ANKRD31: variants seen among roughly 807,000 people sequenced by gnomAD.
ANKRD31 encodes ankyrin repeat domain-containing protein 31.
A neutral mutation model predicts 186.0 loss-of-function variants in ANKRD31; 147 were observed. That is an observed-to-expected ratio of 0.79 (90% CI 0.69 to 0.91). The LOEUF is 0.91. Among genes scored for constraint, ANKRD31 ranks in the 40% least tolerant of loss-of-function variants. The pLI, the probability that ANKRD31 is intolerant of heterozygous loss-of-function variation, is 0.00. For synonymous variants in ANKRD31, 673 were observed against 736.4 expected, an observed-to-expected ratio of 0.91 and a Z score of 1.39; for missense variants, 1,986 against 2,148.8, an observed-to-expected ratio of 0.92 and a Z score of 1.50.
At chr5:75,096,873 A>G (rs187391964) in intron 22 of ANKRD31, among the ~76,000 whole-genome samples, 118 of 129,302 alleles carry the variant, frequency 9.1e-4, no homozygotes, top group African/African-American at 3.3e-3. Flanking sequence ...AAGTGTTCTC[A>G]CTGTTCAATT....
At chr5:75,138,746 A>G (rs1750794329) in intron 16 of ANKRD31, 100 bp downstream of exon 16, 1 of 1,208,598 alleles carries the variant, frequency 8.3e-7, no homozygotes, top group African/African-American at 1.5e-5. Flanking sequence ...GTTATCACTT[A>G]CATATCAGCC....
In ANKRD31 at chr5:75,118,145, A is replaced by G. The variant is rs1287644327; in HGVS notation, c.4029T>C (p.Ala1343=). The part of the protein sequence containing the change: ...IETVNRDESD[A]IVNEKIPAVR... Reference sequence around the variant, plus strand: ...TATTGATATACATACCATTGACTATAGCATCACTCTCATCTCTATTAACAG... The same window carrying G: ...TATTGATATACATACCATTGACTATGGCATCACTCTCATCTCTATTAACAG... The change falls in exon 18 of 26, where the codon GCT becomes GCC. Residue 1343 remains alanine (A), a synonymous_variant. Transcript: ENST00000506364. The G allele has an allele frequency of 3.4e-6, 5 of 1,474,498 alleles. No homozygotes were observed. Among genetic ancestry groups the G allele is most frequent in the African/African-American group, 1.4e-5 (1 of 70,156 alleles). 91.3% of individuals were successfully genotyped at this position (1,474,498 alleles called of 1,614,324 possible). A position where few individuals can be genotyped will look rare whatever the true frequency, so the allele number is the denominator to read the frequency against.
At position 75,148,578 on chromosome 5, in the gene ANKRD31, T is replaced by C; in HGVS notation, c.1903A>G (p.Lys635Glu). 6.6e-7 allele frequency: 1 copy of C among 1,517,920 alleles called. No individual in the cohort carries two copies. Among genetic ancestry groups the C allele is most frequent in the Non-Finnish European group, 8.8e-7 (1 of 1,135,476 alleles). The allele number at this position is 1,517,920 out of a possible 1,614,324, so 94.0% of individuals were successfully genotyped here. ...TTTATTACTAAACATAGATATACCT[T>C]GTGTTGGTACACATCCTCTATGTCT... ...PLDIEDVYQHKKPKFSSKSHI... is the reference protein window; with the variant it reads ...PLDIEDVYQHEKPKFSSKSHI... Residue 635 changes from lysine (K) to glutamate (E), a missense_variant and splice_region_variant, in exon 13 of 26, where the codon AAG (lysine) becomes GAG (glutamate). Physicochemically the swap from Lys to Glu is moderately conservative, Grantham distance 56. Coordinates refer to ENST00000506364, the MANE Select transcript of ANKRD31 (RefSeq NM_001372053.1).
chr5:75,178,789 T>C (rs1435188772), intron 10 of ANKRD31, among the ~76,000 whole-genome samples: 1 of 151,732 alleles, frequency 6.6e-6, no homozygotes, highest in East Asian at 1.9e-4. Flanking sequence ...GCAGGAAACA[T>C]CTAAAATTGA....
intron 11 of ANKRD31, among the ~76,000 whole-genome samples, chr5:75,162,826 G>A (rs1752662643): frequency 6.6e-6 from 1 of 152,036 alleles, no homozygotes; most frequent in Non-Finnish European, 1.5e-5. Context: ...GCTATTGGAT[G>A]TTATTGCTTT....
intron 22 of ANKRD31, among the ~76,000 whole-genome samples, chr5:75,095,333 G>T (rs1335069878): frequency 6.6e-6 from 1 of 152,048 alleles, no homozygotes; most frequent in Non-Finnish European, 1.5e-5. Context: ...AATTATCCAG[G>T]TGTGGTGGCG....
At chr5:75,169,465 G>C (rs1753163674) in intron 10 of ANKRD31, among the ~76,000 whole-genome samples, 1 of 152,162 alleles carries the variant, frequency 6.6e-6, no homozygotes, top group African/African-American at 2.4e-5. Flanking sequence ...GAGATGAGGG[G>C]AGAAAAGCTT....
At chr5:75,083,063 G>T (rs571289674) in intron 24 of ANKRD31, among the ~76,000 whole-genome samples, 2 of 152,226 alleles carry the variant, frequency 1.3e-5, no homozygotes, top group Admixed American at 1.3e-4. Flanking sequence ...TGGAATATTT[G>T]CATATACATG....
chr5:75,097,149 A>C (rs1204162310), intron 22 of ANKRD31, among the ~76,000 whole-genome samples: 1 of 152,192 alleles, frequency 6.6e-6, no homozygotes, highest in Non-Finnish European at 1.5e-5. Context: ...TAGCAGCATG[A>C]TTTATAATCC....
At chr5:75,192,462 G>C (rs2150243796) in intron 9 of ANKRD31, among the ~76,000 whole-genome samples, 1 of 152,196 alleles carries the variant, frequency 6.6e-6, no homozygotes, top group South Asian at 2.1e-4. Context: ...ACAGAAAAAA[G>C]TACTAATCTA....
chr5:75,135,370 T>C (rs573748131), intron 17 of ANKRD31, among the ~76,000 whole-genome samples: 57 of 152,078 alleles, frequency 3.7e-4, no homozygotes, highest in Non-Finnish European at 6.6e-4. Context: ...TATACACCAA[T>C]AACAGACAAA....
intron 25 of ANKRD31, among the ~76,000 whole-genome samples, chr5:75,070,655 G>C (rs1215717041): frequency 1.3e-5 from 2 of 152,154 alleles, no homozygotes; most frequent in African/African-American, 4.8e-5. Context: ...AATATTATCA[G>C]TCTTTTTAAG....
chr5:75,118,375 C>CTAAG, intron 17 of ANKRD31, 78 bp from the exon 18 acceptor site: 1 of 1,215,514 alleles, frequency 8.2e-7, no homozygotes, highest in South Asian at 2.1e-5. Flanking sequence ...AACACCACTG[C>CTAAG]CAAGCATTAA....
chr5:75,068,971 AAC>A (rs1743986764), intron 25 of ANKRD31, among the ~76,000 whole-genome samples: 1 of 152,180 alleles, frequency 6.6e-6, no homozygotes, highest in Admixed American at 6.5e-5. Context: ...CGGAGAATAA[AAC>A]AGTTGTATTA....
At chr5:75,076,562 G>GT (rs1744669149) in intron 25 of ANKRD31, among the ~76,000 whole-genome samples, 1 of 152,208 alleles carries the variant, frequency 6.6e-6, no homozygotes, top group Admixed American at 6.5e-5. Context: ...TCATTTAGTG[G>GT]TTTTTAATGG....
intron 15 of ANKRD31, among the ~76,000 whole-genome samples, chr5:75,143,361 G>A (rs1751192459): frequency 6.6e-6 from 1 of 152,000 alleles, no homozygotes; most frequent in African/African-American, 2.4e-5. Flanking sequence ...TGTTTTGGGG[G>A]GCCAGCATTC....
At chr5:75,230,055 G>C (rs1757858223) in intron 2 of ANKRD31, among the ~76,000 whole-genome samples, 1 of 151,930 alleles carries the variant, frequency 6.6e-6, no homozygotes, top group South Asian at 2.1e-4. Flanking sequence ...GTGCGTGTGT[G>C]TATCTGTGTG....
intron 17 of ANKRD31, among the ~76,000 whole-genome samples, chr5:75,124,974 T>C (rs550146176): frequency 3.3e-5 from 5 of 152,166 alleles, no homozygotes; most frequent in East Asian, 1.9e-4. Context: ...TATACAAATA[T>C]ATTAAAAAAG....
intron 17 of ANKRD31, 148 bp downstream of exon 17, chr5:75,137,708 A>T: frequency 1.5e-6 from 1 of 657,536 alleles, no homozygotes; most frequent in Non-Finnish European, 2.3e-6. Context: ...CATATATATT[A>T]TTGTATCTTC....
Sources: allele counts gnomAD v4.1 joint callset (sites outside exome capture counted in the v4.1 genomes callset), GRCh38; gene constraint gnomAD v4.1.1; transcripts MANE v1.5; gene names NCBI Gene and HGNC (gene_info 2026-07-23, HGNC 2026-07-21).